LIPA: variants seen among roughly 807,000 people sequenced by gnomAD.
LIPA encodes lysosomal acid lipase/cholesteryl ester hydrolase.
LIPA carries 26 observed loss-of-function variants against 40.6 expected under a neutral mutation model. That is an observed-to-expected ratio of 0.64 (90% CI 0.47 to 0.89). The LOEUF (loss-of-function observed/expected upper bound fraction) is 0.89, where lower values mean the gene tolerates loss of function less well. Ranked by LOEUF, LIPA falls within the 40% of genes least tolerant of loss-of-function variation. The pLI, the probability that LIPA is intolerant of heterozygous loss-of-function variation, is 0.00. For synonymous variants in LIPA, 188 were observed against 168.4 expected, an observed-to-expected ratio of 1.12 and a Z score of -0.90; for missense variants, 455 against 479.6, an observed-to-expected ratio of 0.95 and a Z score of 0.48.
intron 1 of LIPA, among the ~76,000 whole-genome samples, chr10:89,272,516 T>C (rs1019243054): frequency 6.6e-6 from 1 of 152,244 alleles, no homozygotes; most frequent in Non-Finnish European, 1.5e-5. Flanking sequence ...TTTAGGTTGA[T>C]TCCATGTCTT....
chr10:89,276,194 A>G (rs565982033), intron 1 of LIPA, among the ~76,000 whole-genome samples: 11 of 152,318 alleles, frequency 7.2e-5, no homozygotes, highest in Non-Finnish European at 1.2e-4. Flanking sequence ...CTACCTGCAG[A>G]GTAAGTATCT....
upstream of LIPA, among the ~76,000 whole-genome samples, chr10:89,252,589 C>T (rs1843143354): frequency 6.6e-6 from 1 of 152,192 alleles, no homozygotes; most frequent in South Asian, 2.1e-4. Flanking sequence ...GGGCGGATCA[C>T]CTGAGGACAG....
intron 2 of LIPA, among the ~76,000 whole-genome samples, chr10:89,377,564 C>A (rs948891110): frequency 6.6e-6 from 1 of 152,146 alleles, no homozygotes; most frequent in African/African-American, 2.4e-5. Context: ...CCTAACACAG[C>A]CCCACAGAAG....
chr10:89,385,021 C>T (rs772818138), intron 2 of LIPA: 21 of 355,246 alleles, frequency 5.9e-5, no homozygotes, highest in Middle Eastern at 8.2e-4. Flanking sequence ...AAGTAGTAAC[C>T]GATCAAATTG....
chr10:89,282,308 G>T (rs1041399169), intron 1 of LIPA, among the ~76,000 whole-genome samples: 1 of 152,144 alleles, frequency 6.6e-6, no homozygotes, highest in Non-Finnish European at 1.5e-5. Flanking sequence ...AGGAAATACA[G>T]CTGAGGCCAA....
chr10:89,288,456 C>T (rs1253035383), intron 1 of LIPA, among the ~76,000 whole-genome samples: 3 of 152,158 alleles, frequency 2.0e-5, no homozygotes, highest in Non-Finnish European at 4.4e-5. Flanking sequence ...AGCGAAAGTA[C>T]AGGGCTGTGC....
chr10:89,402,836 C>T (rs756796468), intron 2 of LIPA: 1 of 1,614,164 alleles, frequency 6.2e-7, no homozygotes, highest in Non-Finnish European at 8.5e-7. Context: ...CTGCCTATCG[C>T]CTGGATGGCT....
rs188718343 is a variant in LIPA at position 89,324,758 on chromosome 10, A to T, written c.-2+17853T>A. ...GAAGACATGCATGCGGCCAATAAGA[A>T]TATGAAAAAATATGTGGTGTTTGGT... On this transcript the variant is annotated intron_variant, in intron 1 of 5. Transcript: ENST00000282673. Among the ~76,000 whole-genome samples the T allele has an allele frequency of 3.7e-3, 564 of 152,360 alleles. 6 individuals carry two copies. Among genetic ancestry groups the T allele is most frequent in the African/African-American group, 0.012 (500 of 41,590 alleles).
At position 89,322,110 on chromosome 10, in the gene LIPA, C is replaced by A. The variant is rs566510711; in HGVS notation, c.-2+20501G>T. Among the ~76,000 whole-genome samples, 171 of 152,204 alleles carry A rather than the reference C, an allele frequency of 1.1e-3. 1 individual carries two copies. The highest frequency in any genetic ancestry group is 3.8e-3 in the African/African-American group (156 of 41,510). On this transcript the variant is annotated intron_variant, in intron 1 of 5. Transcript: ENST00000282673. Reference sequence around the variant, plus strand: ...AGGAGGGTTAGCATTAGGAGATATACCTAATGTAAATGACGAGTTAATGGG... The same window carrying A: ...AGGAGGGTTAGCATTAGGAGATATAACTAATGTAAATGACGAGTTAATGGG...
chr10:89,408,211 T>G (rs1204226911), intron 2 of LIPA, among the ~76,000 whole-genome samples: 1 of 151,730 alleles, frequency 6.6e-6, no homozygotes, highest in East Asian at 1.9e-4. Flanking sequence ...TTTTTTTCTG[T>G]GCTATGGCCT....
rs116926108 is a variant in LIPA at position 89,339,980 on chromosome 10, T to G, written c.-2+2631A>C. 2,258 of 1,614,226 alleles carry G rather than the reference T, an allele frequency of 1.4e-3. 3 individuals are homozygous for G. Among genetic ancestry groups the G allele is most frequent in the Non-Finnish European group, 1.8e-3 (2,103 of 1,180,040 alleles). ...GCAGCCAAATGTTATGAGAAGGAAC[T>G]GGGCCGCCTGCTAAGGGATGCCCCT... On this transcript the variant is annotated intron_variant, in intron 1 of 5. Transcript: ENST00000282673.
intron 1 of LIPA, among the ~76,000 whole-genome samples, chr10:89,257,732 G>A (rs1843188154): frequency 6.6e-6 from 1 of 152,158 alleles, no homozygotes; most frequent in African/African-American, 2.4e-5. Flanking sequence ...AGAAAAATGA[G>A]AATTAAAAAA....
chr10:89,293,852 C>A (rs1270591437), intron 1 of LIPA, among the ~76,000 whole-genome samples: 1 of 152,102 alleles, frequency 6.6e-6, no homozygotes, highest in African/African-American at 2.4e-5. Flanking sequence ...TATCTCCAAA[C>A]AAAGTTACGT....
At chr10:89,288,011 C>T (rs191808500) in intron 1 of LIPA, among the ~76,000 whole-genome samples, 3,291 of 152,286 alleles carry the variant, frequency 0.022, 119 homozygotes, top group African/African-American at 0.074. Flanking sequence ...TTTTCACTTT[C>T]ACTTGGACTG....
intron 1 of LIPA, among the ~76,000 whole-genome samples, chr10:89,264,543 G>C (rs929068528): frequency 6.6e-6 from 1 of 152,006 alleles, no homozygotes; most frequent in Non-Finnish European, 1.5e-5. Flanking sequence ...AGGAAACCTG[G>C]AGTGGGTAGC....
chr10:89,335,173 T>A (rs1261691470), intron 1 of LIPA, among the ~76,000 whole-genome samples: 2 of 152,116 alleles, frequency 1.3e-5, no homozygotes, highest in African/African-American at 4.8e-5. Context: ...ATCAAGAGAA[T>A]CAAGGGACCC....
chr10:89,261,872 T>A lies in LIPA; in HGVS notation c.-1-14223A>T, dbSNP rs140282988. On this transcript the variant is annotated intron_variant, in intron 1 of 5. Transcript: ENST00000282673. ...TGTGCTATTCCTGAGCTCCCCTCCC[T>A]ATCCCTGAACAGCCCGGTTGATTTT... 5.9e-5 allele frequency among the ~76,000 whole-genome samples: 9 copies of A among 152,334 alleles called. 1 individual carries two copies. In the East Asian group the frequency reaches 1.7e-3, roughly 29 times the overall value.
At chr10:89,350,212 T>C (rs1398595052) in intron 2 of LIPA, among the ~76,000 whole-genome samples, 1 of 152,172 alleles carries the variant, frequency 6.6e-6, no homozygotes, top group African/African-American at 2.4e-5. Context: ...GTGAAGAGAC[T>C]GATGGGGTTC....
At chr10:89,258,212 T>G (rs1290356368) in intron 1 of LIPA, among the ~76,000 whole-genome samples, 2 of 152,202 alleles carry the variant, frequency 1.3e-5, no homozygotes, top group African/African-American at 2.4e-5. Context: ...TTAACAATGG[T>G]GCTAGAACAC....
Sources: allele counts gnomAD v4.1 joint callset (sites outside exome capture counted in the v4.1 genomes callset), GRCh38; gene constraint gnomAD v4.1.1; transcripts MANE v1.5; gene names NCBI Gene and HGNC (gene_info 2026-07-23, HGNC 2026-07-21).